IQCE: variants seen among roughly 807,000 people sequenced by gnomAD.
IQCE encodes the protein IQ domain-containing protein E.
A neutral mutation model predicts 96.0 loss-of-function variants in IQCE; 115 were observed. The ratio of observed to expected loss-of-function variants is 1.20; its 90% CI spans 1.03 to 1.40. The LOEUF is 1.40. Ranked by LOEUF, IQCE falls within the 40% of genes most tolerant of loss-of-function variation. IQCE has a pLI of 0.00. For synonymous variants in IQCE, 412 were observed against 371.2 expected (o/e 1.11, Z -1.26); for missense variants, 1,041 against 909.1 (o/e 1.15, Z -1.87).
intron 20 of IQCE, 60 bp from the exon 21 acceptor site, chr7:2,607,064 C>A: frequency 7.0e-7 from 1 of 1,435,898 alleles, no homozygotes; most frequent in Non-Finnish European, 9.4e-7. Flanking sequence ...TGCTGTAAAC[C>A]TCAGAGAGGT....
intron 8 of IQCE, among the ~76,000 whole-genome samples, chr7:2,581,841 C>G (rs1163039890): frequency 6.6e-6 from 1 of 151,906 alleles, no homozygotes; most frequent in East Asian, 2.0e-4. Context: ...TCCCGAGTAG[C>G]TGGGACTACA....
At chr7:2,596,231 C>T (rs1358167155) in intron 16 of IQCE, among the ~76,000 whole-genome samples, 2 of 151,778 alleles carry the variant, frequency 1.3e-5, no homozygotes, top group African/African-American at 4.8e-5. Flanking sequence ...TGCACTCCAT[C>T]CCGGGCCACA....
chr7:2,572,215 T>G lies in IQCE; in HGVS notation c.283T>G (p.Ser95Ala). Residue 95 changes from serine to alanine, a missense_variant, in exon 5 of 22, where the codon TCA becomes GCA. Coordinates refer to ENST00000402050, the MANE Select transcript of IQCE (RefSeq NM_152558.5). ...KPGSLTQALN[S>A]PLTWEHAWTG... Reference sequence around the variant, plus strand: ...AGGAAGTCTGACCCAGGCCCTGAACTCACCCCTCACCTGGGAGCATGCGTG... The same window carrying G: ...AGGAAGTCTGACCCAGGCCCTGAACGCACCCCTCACCTGGGAGCATGCGTG... 6.2e-7 allele frequency: 1 copy of G among 1,614,136 alleles called. No homozygotes were observed. The highest frequency in any genetic ancestry group is 8.5e-7 in the Non-Finnish European group (1 of 1,179,998).
intron 6 of IQCE, among the ~76,000 whole-genome samples, chr7:2,573,842 C>A (rs765937435): frequency 6.6e-6 from 1 of 152,182 alleles, no homozygotes; most frequent in Non-Finnish European, 1.5e-5. Context: ...TCCATGCATG[C>A]CACGCTTTAT....
chr7:2,582,937 G>A (rs910672101), intron 9 of IQCE, among the ~76,000 whole-genome samples: 1 of 152,020 alleles, frequency 6.6e-6, no homozygotes, highest in Non-Finnish European at 1.5e-5. Context: ...GTCCTGCGCC[G>A]TCCTTGTGCT....
In IQCE at chr7:2,605,136, C is replaced by T. The variant is rs1027252007; in HGVS notation, c.1743+145C>T. ...GTCCCCTGCGCTCCATCCCTGGCCA[C>T]GCAGGCCATGCAGGCTTCTCTGCGC... On this transcript the variant is annotated intron_variant, in intron 19 of 21. Coordinates refer to ENST00000402050, the MANE Select transcript of IQCE (RefSeq NM_152558.5). 15 of 628,168 alleles carry T rather than the reference C, an allele frequency of 2.4e-5. 1 individual carries two copies. The highest frequency in any genetic ancestry group is 1.4e-4 in the South Asian group (8 of 56,006). The allele number at this position is 628,168 out of a possible 1,614,324, so 38.9% of individuals were successfully genotyped here.
At chr7:2,603,457 C>T (rs369073763) in intron 18 of IQCE, among the ~76,000 whole-genome samples, 5 of 148,288 alleles carry the variant, frequency 3.4e-5, no homozygotes, top group Admixed American at 6.7e-5. Context: ...TGGTGGGTGC[C>T]GTCTCCCCAT....
At chr7:2,561,928 T>C (rs1010061676) in intron 1 of IQCE, among the ~76,000 whole-genome samples, 5 of 152,222 alleles carry the variant, frequency 3.3e-5, no homozygotes, top group Admixed American at 6.5e-5. Context: ...AAGACTCAAG[T>C]ATAATTTGAA....
chr7:2,578,334 G>A lies in IQCE; in HGVS notation c.558G>A (p.Glu186=), dbSNP rs1174122739. Residue 186 remains glutamate, a synonymous_variant, in exon 7 of 22, where the codon GAG becomes GAA. Transcript: ENST00000402050. ...EENSRKDRQI[E]QLLDPSRGTD... Reference sequence around the variant, plus strand: ...ACAGCAGGAAGGACCGGCAGATAGAGCAGCTCCTGGATCCCAGCCGCGTAA... The same window carrying A: ...ACAGCAGGAAGGACCGGCAGATAGAACAGCTCCTGGATCCCAGCCGCGTAA... The A allele has an allele frequency of 1.2e-6, 2 of 1,614,028 alleles. No individual in the cohort carries two copies. The highest frequency in any genetic ancestry group is 2.2e-5 in the East Asian group (1 of 44,894).
chr7:2,608,226 G>T (rs1017995877), intron 21 of IQCE, among the ~76,000 whole-genome samples: 4 of 152,204 alleles, frequency 2.6e-5, no homozygotes, highest in Admixed American at 6.5e-5. Flanking sequence ...CCCGTGGCGG[G>T]CGGAGGCCTC....
intron 1 of IQCE, 73 bp downstream of exon 1, chr7:2,559,290 TC>T: frequency 1.1e-6 from 1 of 937,218 alleles, no homozygotes; most frequent in Non-Finnish European, 1.4e-6. Context: ...GCCCGCAGCC[TC>T]GGGGCCCCGC....
chr7:2,585,725 C>A (rs1190746668), intron 11 of IQCE, among the ~76,000 whole-genome samples: 1 of 152,268 alleles, frequency 6.6e-6, no homozygotes, highest in African/African-American at 2.4e-5. Flanking sequence ...TTTTTCATCA[C>A]CTGTGCACGT....
intron 6 of IQCE, among the ~76,000 whole-genome samples, chr7:2,577,195 G>A (rs1012712018): frequency 3.3e-5 from 5 of 152,222 alleles, no homozygotes; most frequent in East Asian, 1.9e-4. Context: ...GGGCCTGTGC[G>A]CGGTGTGGTG....
chr7:2,605,757 T>C, intron 19 of IQCE, 119 bp from the exon 20 acceptor site: 1 of 1,099,510 alleles, frequency 9.1e-7, no homozygotes, highest in Non-Finnish European at 1.2e-6. Flanking sequence ...CAGGGCCATC[T>C]GAAAAGGAAA....
chr7:2,581,386 A>G (rs781038391), intron 8 of IQCE, among the ~76,000 whole-genome samples: 1 of 151,782 alleles, frequency 6.6e-6, no homozygotes, highest in Non-Finnish European at 1.5e-5. Context: ...TTGTATTTTT[A>G]GTAGAGATGG....
At chr7:2,578,380 G>C (rs373370892) in intron 7 of IQCE, 25 bp downstream of exon 7, 31 of 1,611,712 alleles carry the variant, frequency 1.9e-5, no homozygotes, top group Non-Finnish European at 2.5e-5. Context: ...CTTCACGGAC[G>C]GGGCAAGGGG....
rs983119254 is a variant in IQCE at position 2,612,805 on chromosome 7, G to A, written c.*2643G>A. On this transcript the variant is annotated 3_prime_UTR_variant, in exon 22 of 22. Coordinates refer to ENST00000402050, the MANE Select transcript of IQCE (RefSeq NM_152558.5). ...AGGGGTGAGCTGTGAGTGGGGCTGA[G>A]CCATGGGAGCAGCAAGCTGGTGGAG... 11 of 153,048 alleles carry A rather than the reference G, an allele frequency of 7.2e-5. No individual in the cohort carries two copies. The highest frequency in any genetic ancestry group is 2.7e-4 in the African/African-American group (11 of 41,428). The allele number at this position is 153,048 out of a possible 1,614,324, so 9.5% of individuals were successfully genotyped here. A position where few individuals can be genotyped will look rare whatever the true frequency, so the allele number is the denominator to read the frequency against.
Position 2,564,378 on chromosome 7 carries a change from T to C in IQCE, c.37-2738T>C, listed in dbSNP as rs999411649. On this transcript the variant is annotated intron_variant, in intron 1 of 21. Transcript: ENST00000402050. ...GGGAGGCTGAGGCGGGTGGATCACC[T>C]GAGGTCAGGAGTTTGAGACCAGCCT... 5.3e-5 allele frequency among the ~76,000 whole-genome samples: 8 copies of C among 152,004 alleles called. No homozygotes were observed. The South Asian group carries it at 1.2e-3, about 24-fold the overall frequency.
At chr7:2,559,465 G>A (rs1363053462) in intron 1 of IQCE, 2 of 263,140 alleles carry the variant, frequency 7.6e-6, no homozygotes, top group Non-Finnish European at 1.4e-5. Flanking sequence ...GGGACGCCGC[G>A]CCCTCGCCTC....
Sources: gnomAD v4.1 joint callset for allele counts (sites outside exome capture counted in the v4.1 genomes callset) on GRCh38, gnomAD v4.1.1 for gene constraint, MANE v1.5 for transcripts, NCBI Gene and HGNC (gene_info 2026-07-23, HGNC 2026-07-21) for gene names.